The following OBI1 variants were observed in gnomAD, a reference collection of about 807,000 sequenced individuals.
OBI1 encodes ORC ubiquitin ligase 1, also known as ring finger protein 219.
In OBI1, 59 loss-of-function variants were observed where a neutral mutation model predicts 62.4. The ratio of observed to expected loss-of-function variants is 0.95; its 90% CI spans 0.77 to 1.17. The LOEUF (loss-of-function observed/expected upper bound fraction) is 1.17, where lower values mean the gene tolerates loss of function less well. Ranked by LOEUF, OBI1 falls within the 50% of genes most tolerant of loss-of-function variation. The pLI, the probability that OBI1 is intolerant of heterozygous loss-of-function variation, is 0.00. For synonymous variants in OBI1, 302 were observed against 292.8 expected, an observed-to-expected ratio of 1.03 and a Z score of -0.32; for missense variants, 875 against 830.9, an observed-to-expected ratio of 1.05 and a Z score of -0.65.
At chr13:78,629,824 G>A (rs1036911936) in intron 5 of OBI1, among the ~76,000 whole-genome samples, 2 of 152,114 alleles carry the variant, frequency 1.3e-5, no homozygotes, top group African/African-American at 4.8e-5. Flanking sequence ...AGTGGTGGAT[G>A]TAGTGGAGTC....
In OBI1 at chr13:78,632,769, C is replaced by T. The variant is rs7325703; in HGVS notation, c.638+2341G>A. Among the ~76,000 whole-genome samples the T allele has an allele frequency of 7.7e-3, 1,172 of 152,210 alleles. 10 individuals are homozygous for T. The highest frequency in any genetic ancestry group is 0.026 in the African/African-American group (1,067 of 41,552). On this transcript the variant is annotated intron_variant, in intron 5 of 5. Transcript: ENST00000282003. ...GTTTGGTGATGCAGAGTAAACAAGGCTATAAATCAAATGCAATGCATTTAA... is the reference window on the plus strand; with the variant it reads ...GTTTGGTGATGCAGAGTAAACAAGGTTATAAATCAAATGCAATGCATTTAA...
At chr13:78,646,013 CT>C (rs994139049) in intron 1 of OBI1, among the ~76,000 whole-genome samples, 14 of 152,140 alleles carry the variant, frequency 9.2e-5, no homozygotes, top group Non-Finnish European at 1.9e-4. Context: ...TTTTCCATCT[CT>C]TTTTTTAAAA....
chr13:78,639,044 C>T lies in OBI1; in HGVS notation c.328G>A (p.Val110Ile). ...AGATTTTTACTCTTAAGCTCTTCTACTTCTTTCTGTAAACAATCTATTTCG... is the reference window on the plus strand; with the variant it reads ...AGATTTTTACTCTTAAGCTCTTCTATTTCTTTCTGTAAACAATCTATTTCG... Reference protein sequence around the residue: ...EDEIDCLQKEVEELKSKNLSL... With the variant: ...EDEIDCLQKEIEELKSKNLSL... The change falls in exon 4 of 6, where the codon GTA becomes ATA. Residue 110 changes from valine to isoleucine, a missense_variant. Transcript: ENST00000282003. 1 of 1,613,318 alleles carries T rather than the reference C, an allele frequency of 6.2e-7. No homozygotes were observed. Among genetic ancestry groups the T allele is most frequent in the Non-Finnish European group, 8.5e-7 (1 of 1,179,756 alleles).
chr13:78,627,408 C>T (rs952212415), intron 5 of OBI1, among the ~76,000 whole-genome samples: 3 of 148,248 alleles, frequency 2.0e-5, no homozygotes, highest in African/African-American at 7.9e-5. Context: ...ACTGACCCAT[C>T]CTCTAAATTC....
chr13:78,635,289 T>C (rs1875991704), intron 4 of OBI1, 91 bp from the exon 5 acceptor site: 1 of 744,650 alleles, frequency 1.3e-6, no homozygotes, highest in Non-Finnish European at 2.3e-6. Context: ...TTTTTTAGAG[T>C]GATAATATCA....
At chr13:78,619,312 CCTCT>C (rs1299638082) in intron 5 of OBI1, among the ~76,000 whole-genome samples, 7 of 142,238 alleles carry the variant, frequency 4.9e-5, no homozygotes, top group East Asian at 4.0e-4. Context: ...ACTGTATTTG[CCTCT>C]CTCTCTCTAT....
intron 4 of OBI1, among the ~76,000 whole-genome samples, chr13:78,636,112 A>C (rs1178863739): frequency 6.6e-6 from 1 of 152,186 alleles, no homozygotes; most frequent in Non-Finnish European, 1.5e-5. Flanking sequence ...GATTAAAAAA[A>C]AAATCCTTCC....
chr13:78,621,182 C>CCTT (rs1875500866), intron 5 of OBI1, among the ~76,000 whole-genome samples: 1 of 152,192 alleles, frequency 6.6e-6, no homozygotes, highest in Non-Finnish European at 1.5e-5. Flanking sequence ...GTGTTGATAT[C>CCTT]CTTGCTTTAT....
chr13:78,643,518 T>C (rs1466103413), intron 2 of OBI1, among the ~76,000 whole-genome samples: 1 of 152,230 alleles, frequency 6.6e-6, no homozygotes, highest in Non-Finnish European at 1.5e-5. Flanking sequence ...CTGGGCACGG[T>C]GGCTCACGCC....
intron 4 of OBI1, among the ~76,000 whole-genome samples, chr13:78,636,132 T>C (rs1217763968): frequency 6.6e-6 from 1 of 152,180 alleles, no homozygotes; most frequent in Non-Finnish European, 1.5e-5. Context: ...CAAGTATGAT[T>C]TTCTTTCTTG....
chr13:78,658,320 G>A (rs1288242823), intron 1 of OBI1, among the ~76,000 whole-genome samples: 1 of 152,014 alleles, frequency 6.6e-6, no homozygotes, highest in Non-Finnish European at 1.5e-5. Context: ...AAGAGGAGAG[G>A]AATGCATTAG....
At chr13:78,649,501 T>C (rs1480426832) in intron 1 of OBI1, among the ~76,000 whole-genome samples, 1 of 152,194 alleles carries the variant, frequency 6.6e-6, no homozygotes, top group Non-Finnish European at 1.5e-5. Context: ...CAGCGAATGT[T>C]GGGGATGGAA....
At chr13:78,633,453 T>C (rs2248663) in intron 5 of OBI1, among the ~76,000 whole-genome samples, 28,079 of 152,044 alleles carry the variant, frequency 0.18, 3,738 homozygotes, top group East Asian at 0.36. Context: ...CAGAGAGCTA[T>C]TTCTGGTAGG....
chr13:78,622,866 G>A (rs577002371), intron 5 of OBI1, among the ~76,000 whole-genome samples: 2 of 152,268 alleles, frequency 1.3e-5, no homozygotes, highest in East Asian at 3.9e-4. Flanking sequence ...TTTAGGAAAA[G>A]CGGACAGGGA....
chr13:78,636,882 C>G (rs1396271034), intron 4 of OBI1, among the ~76,000 whole-genome samples: 1 of 152,106 alleles, frequency 6.6e-6, no homozygotes, highest in Non-Finnish European at 1.5e-5. Context: ...CCCTGCCCCC[C>G]ACCACTACTG....
At chr13:78,642,381 GA>G (rs1325226178) in intron 2 of OBI1, among the ~76,000 whole-genome samples, 168 bp from the exon 3 acceptor site, 5 of 150,546 alleles carry the variant, frequency 3.3e-5, no homozygotes, top group Non-Finnish European at 4.4e-5. Flanking sequence ...TAATCTTGAG[GA>G]AAAAAAAATA....
chr13:78,631,741 T>C (rs1174215147), intron 5 of OBI1, among the ~76,000 whole-genome samples: 1 of 152,134 alleles, frequency 6.6e-6, no homozygotes, highest in Non-Finnish European at 1.5e-5. Context: ...AGGATGAATA[T>C]TATTGAAACC....
At position 78,638,742 on chromosome 13, in the gene OBI1, C is replaced by A. The variant is rs953199411; in HGVS notation, c.549+81G>T. On this transcript the variant is annotated intron_variant, in intron 4 of 5. Transcript: ENST00000282003. ...CCTCACAAATCATCTGATGATGAGT[C>A]AAGATAATATGGCTATTTATGCTTT... 7 of 1,262,986 alleles carry A rather than the reference C, an allele frequency of 5.5e-6. No individual in the cohort carries two copies. In the African/African-American group the frequency reaches 9.0e-5, roughly 16 times the overall value. 78.2% of individuals were successfully genotyped at this position (1,262,986 alleles called of 1,614,324 possible). A position where few individuals can be genotyped will look rare whatever the true frequency, so the allele number is the denominator to read the frequency against.
chr13:78,615,453 T>C lies in OBI1; in HGVS notation c.*127A>G, dbSNP rs1467851275. ...CTGGGTACAGGTTAATCCACCATCCTGACTTGATACTTGACTAAAGATTAT... is the reference window on the plus strand; with the variant it reads ...CTGGGTACAGGTTAATCCACCATCCCGACTTGATACTTGACTAAAGATTAT... On this transcript the variant is annotated 3_prime_UTR_variant, in exon 6 of 6. Transcript: ENST00000282003. 2.6e-5 allele frequency: 17 copies of C among 657,210 alleles called. No homozygotes were observed. Among genetic ancestry groups the C allele is most frequent in the African/African-American group, 5.4e-5 (3 of 55,350 alleles). The allele number at this position is 657,210 out of a possible 1,614,324, so 40.7% of individuals were successfully genotyped here. A position where few individuals can be genotyped will look rare whatever the true frequency, so the allele number is the denominator to read the frequency against.
Sources: allele counts gnomAD v4.1 joint callset (sites outside exome capture counted in the v4.1 genomes callset), GRCh38; gene constraint gnomAD v4.1.1; transcripts MANE v1.5; gene names NCBI Gene and HGNC (gene_info 2026-07-23, HGNC 2026-07-21).